TARS3: variants seen among roughly 807,000 people sequenced by gnomAD.
The protein encoded by TARS3 is threonyl-tRNA synthetase 3.
TARS3 carries 94 observed loss-of-function variants against 103.5 expected under a neutral mutation model. That is an observed-to-expected ratio of 0.91 (90% CI 0.77 to 1.08). The LOEUF is 1.08. Among genes scored for constraint, TARS3 ranks in the 50% least tolerant of loss-of-function variants. TARS3 has a pLI of 0.00. For missense variants in TARS3, 952 were observed against 995.2 expected (o/e 0.96, Z 0.58); for synonymous variants, 416 against 355.4 (o/e 1.17, Z -1.92).
intron 1 of TARS3, 33 bp downstream of exon 1, chr15:101,724,058 G>A: frequency 7.5e-7 from 1 of 1,331,534 alleles, no homozygotes. Flanking sequence ...CGCCCCGCCC[G>A]CGTCCTCTCC....
chr15:101,677,133 C>A (rs1169476810), intron 12 of TARS3, among the ~76,000 whole-genome samples: 1 of 152,170 alleles, frequency 6.6e-6, no homozygotes, highest in East Asian at 1.9e-4. Flanking sequence ...GTTAACTCGA[C>A]TGAGCTAAAA....
intron 3 of TARS3, among the ~76,000 whole-genome samples, chr15:101,719,298 T>C (rs1900323951): frequency 6.6e-6 from 1 of 152,272 alleles, no homozygotes; most frequent in African/African-American, 2.4e-5. Flanking sequence ...TCTATCAGTT[T>C]ATTTGTTGCT....
At chr15:101,671,382 C>T in intron 15 of TARS3, 104 bp downstream of exon 15, 1 of 822,004 alleles carries the variant, frequency 1.2e-6, no homozygotes, top group Non-Finnish European at 2.0e-6. Context: ...GTGTATAGCA[C>T]ATATACTAGA....
At chr15:101,666,634 G>T (rs1897592295) in intron 15 of TARS3, among the ~76,000 whole-genome samples, 1 of 152,016 alleles carries the variant, frequency 6.6e-6, no homozygotes, top group Admixed American at 6.6e-5. Flanking sequence ...AGCAAAGAAG[G>T]TTATTTTCTT....
rs755849373 is a variant in TARS3, at chr15:101,675,600, C to T, written c.1788G>A (p.Lys596=). The change falls in exon 13 of 19, where the codon AAG becomes AAA. Residue 596 remains lysine, a splice_region_variant and synonymous_variant. Transcript: ENST00000335968. ...AGGAAGCACAAGGTGTGTCTCTTAC[C>T]TTCTCAGCCTCATTCCACATCTCAA... ...GEIEMWNEAE[K]QLQNSLMDFG... is the part of the protein sequence containing the mutation. 3.7e-6 allele frequency: 6 copies of T among 1,612,254 alleles called. No homozygotes were observed. The highest frequency in any genetic ancestry group is 1.3e-5 in the African/African-American group (1 of 74,972).
chr15:101,708,911 C>G lies in TARS3; in HGVS notation c.813-1G>C. ...TGACAATTCTGTGCTGGACACTGCT[C>G]TAAAAAGAAGAGCAGAGAACCGACA... On this transcript the variant is annotated splice_acceptor_variant, in intron 5 of 18. Transcript: ENST00000335968. LOFTEE classifies it high-confidence loss of function. The G allele has an allele frequency of 1.3e-6, 2 of 1,565,220 alleles. No homozygotes were observed. The highest frequency in any genetic ancestry group is 1.7e-6 in the Non-Finnish European group (2 of 1,157,148).
At chr15:101,694,993 T>C (rs1390885306) in intron 10 of TARS3, among the ~76,000 whole-genome samples, 2 of 152,232 alleles carry the variant, frequency 1.3e-5, no homozygotes, top group East Asian at 1.9e-4. Flanking sequence ...GAAAGAGTTC[T>C]GGAGATGGAC....
chr15:101,722,639 T>C (rs1900537087), intron 2 of TARS3, among the ~76,000 whole-genome samples: 1 of 56,928 alleles, frequency 1.8e-5, no homozygotes. Context: ...ACCCCATCTC[T>C]ACTAAAAAAA....
chr15:101,685,726 T>C (rs747175361), intron 11 of TARS3, among the ~76,000 whole-genome samples, 170 bp downstream of exon 11: 2 of 152,202 alleles, frequency 1.3e-5, no homozygotes, highest in Non-Finnish European at 2.9e-5. Flanking sequence ...AGATCAAATA[T>C]ATTTTCAAAA....
chr15:101,705,669 G>C lies in TARS3; in HGVS notation c.995+14C>G, dbSNP rs79089129. ...TTTACCACTGAGCAGCGTTTACCAT[G>C]TGTGGACACAAACCTGTACACGGTG... On this transcript the variant is annotated intron_variant, in intron 7 of 18. Coordinates refer to ENST00000335968, the MANE Select transcript of TARS3 (RefSeq NM_152334.3). The C allele has an allele frequency of 0.026, 41,946 of 1,606,414 alleles. 601 individuals carry two copies. The highest frequency in any genetic ancestry group is 0.031 in the Non-Finnish European group (36,650 of 1,174,826).
intron 12 of TARS3, among the ~76,000 whole-genome samples, chr15:101,679,515 G>A (rs1052981195): frequency 2.6e-5 from 4 of 151,986 alleles, no homozygotes; most frequent in Non-Finnish European, 4.4e-5. Flanking sequence ...TGTAATTTTT[G>A]TTTGTTTCAA....
intron 13 of TARS3, among the ~76,000 whole-genome samples, chr15:101,673,042 G>C (rs1208592083): frequency 1.3e-5 from 2 of 152,200 alleles, no homozygotes; most frequent in South Asian, 2.1e-4. Context: ...AGAGCCGAGA[G>C]AGCATCGGAT....
At chr15:101,655,889 C>A (rs961608322) in intron 18 of TARS3, 2 of 1,288,338 alleles carry the variant, frequency 1.6e-6, no homozygotes, top group Admixed American at 2.3e-5. Flanking sequence ...GGAGTGGACA[C>A]CAGACCCATG....
intron 12 of TARS3, among the ~76,000 whole-genome samples, chr15:101,678,502 T>C (rs1356113973): frequency 6.8e-6 from 1 of 147,988 alleles, no homozygotes; most frequent in Non-Finnish European, 1.5e-5. Context: ...TCCCTGTCTA[T>C]AGCTTTTTTT....
chr15:101,673,780 G>A (rs1274027982), intron 13 of TARS3, among the ~76,000 whole-genome samples: 1 of 152,152 alleles, frequency 6.6e-6, no homozygotes, highest in Non-Finnish European at 1.5e-5. Flanking sequence ...ACGGGTCAGT[G>A]GGGAGGAGAA....
chr15:101,719,854 C>T (rs779100493), intron 3 of TARS3, among the ~76,000 whole-genome samples: 19 of 152,274 alleles, frequency 1.2e-4, no homozygotes, highest in Middle Eastern at 3.4e-3. Context: ...CACTTCTAGA[C>T]GGTTAGCTTG....
intron 7 of TARS3, among the ~76,000 whole-genome samples, chr15:101,704,790 C>T (rs930578478): frequency 6.6e-6 from 1 of 151,570 alleles, no homozygotes; most frequent in African/African-American, 2.4e-5. Flanking sequence ...TTCTCAAACC[C>T]AAGAGCTCAA....
intron 16 of TARS3, among the ~76,000 whole-genome samples, chr15:101,658,763 T>G (rs1240413692): frequency 6.6e-6 from 1 of 152,228 alleles, no homozygotes; most frequent in Non-Finnish European, 1.5e-5. Flanking sequence ...TGAGGAAAAC[T>G]GGGTAAAGAG....
At chr15:101,720,534 T>C (rs1306179027) in intron 3 of TARS3, among the ~76,000 whole-genome samples, 2 of 152,200 alleles carry the variant, frequency 1.3e-5, no homozygotes, top group Non-Finnish European at 2.9e-5. Flanking sequence ...TTTTTTTCTC[T>C]CCTATATATT....
Sources: allele counts gnomAD v4.1 joint callset (sites outside exome capture counted in the v4.1 genomes callset), GRCh38; gene constraint gnomAD v4.1.1; transcripts MANE v1.5; gene names NCBI Gene and HGNC (gene_info 2026-07-23, HGNC 2026-07-21).